DSCAML1: variants seen among roughly 807,000 people sequenced by gnomAD.
DSCAML1 encodes the protein cell adhesion molecule DSCAML1.
Under a neutral mutation model 200.5 loss-of-function variants are expected in DSCAML1, and 38 were observed. That is an observed-to-expected ratio of 0.19 (90% CI 0.15 to 0.25). DSCAML1 has a LOEUF of 0.25. Ranked by LOEUF, DSCAML1 falls within the 10% of genes least tolerant of loss-of-function variation. DSCAML1 has a pLI of 1.00. For synonymous variants in DSCAML1, 1,215 were observed against 1,165.0 expected, an observed-to-expected ratio of 1.04 and a Z score of -0.87; for missense variants, 2,223 against 2,858.8, an observed-to-expected ratio of 0.78 and a Z score of 5.07.
rs61491272 is a variant in DSCAML1, at chr11:117,746,008, A to C, written c.511+30783T>G. ...GGCAGGTGGATCATGAGGTCAGGAG[A>C]TCGAGAACACCCTGGATAACAAAGT... is the stretch of plus-strand genomic sequence containing the variant. On this transcript the variant is annotated intron_variant, in intron 3 of 32. Transcript: ENST00000651296. Among the ~76,000 whole-genome samples, 415 of 151,816 alleles carry C rather than the reference A, an allele frequency of 2.7e-3. 3 individuals carry two copies. Among genetic ancestry groups the C allele is most frequent in the African/African-American group, 9.3e-3 (387 of 41,402 alleles).
intron 8 of DSCAML1, among the ~76,000 whole-genome samples, chr11:117,515,632 T>C (rs2049747644): frequency 6.9e-6 from 1 of 143,986 alleles, no homozygotes; most frequent in African/African-American, 2.6e-5. Flanking sequence ...TTTTTTTTTT[T>C]TTTTGAGACA....
At chr11:117,715,988 C>G (rs150297268) in intron 3 of DSCAML1, among the ~76,000 whole-genome samples, 1 of 152,310 alleles carries the variant, frequency 6.6e-6, no homozygotes, top group East Asian at 1.9e-4. Context: ...ATTTACGCTG[C>G]CCAAACAATC....
At chr11:117,524,668 A>C in intron 5 of DSCAML1, 137 bp downstream of exon 5, 1 of 1,103,730 alleles carries the variant, frequency 9.1e-7, no homozygotes, top group African/African-American at 1.6e-5. Flanking sequence ...AGGATACCAG[A>C]CTGCCTTCCC....
At chr11:117,681,032 TCCCTCATTCG>T (rs1490589224) in intron 3 of DSCAML1, among the ~76,000 whole-genome samples, 1 of 152,154 alleles carries the variant, frequency 6.6e-6, no homozygotes, top group African/African-American at 2.4e-5. Flanking sequence ...TCCCTCATCC[TCCCTCATTCG>T]GACCCTGGAT....
intron 1 of DSCAML1, among the ~76,000 whole-genome samples, chr11:117,788,546 C>T (rs372851278): frequency 1.3e-3 from 204 of 152,274 alleles, no homozygotes; most frequent in Non-Finnish European, 2.4e-3. Flanking sequence ...AAGCTGGTCT[C>T]GAACTCCTGA....
In DSCAML1 at chr11:117,498,437, G is replaced by C. The variant is rs1278449035; in HGVS notation, c.2359+5408C>G. Among the ~76,000 whole-genome samples, 1 of 152,170 alleles carries C rather than the reference G, an allele frequency of 6.6e-6. No homozygotes were observed. The highest frequency in any genetic ancestry group is 1.5e-5 in the Non-Finnish European group (1 of 68,036). ...GGAATTCCCTGGGTACCTGGACTGT[G>C]GTCTAGAAAGGGATTTGTGGGCTCT... On this transcript the variant is annotated intron_variant, in intron 11 of 32. Transcript: ENST00000651296. The surrounding 1 kb of genome is among the most constrained non-coding windows in gnomAD (Gnocchi z 4.0).
chr11:117,480,304 C>CACTGGTGGGTGCTTGTGT lies in DSCAML1; in HGVS notation c.2785+121_2785+138dup. The CACTGGTGGGTGCTTGTGT allele has an allele frequency of 7.6e-7, 1 of 1,318,458 alleles. No individual in the cohort carries two copies. Among genetic ancestry groups the CACTGGTGGGTGCTTGTGT allele is most frequent in the Non-Finnish European group, 1.0e-6 (1 of 962,352 alleles). 81.7% of individuals were successfully genotyped at this position (1,318,458 alleles called of 1,614,324 possible). On this transcript the variant is annotated intron_variant, in intron 14 of 32. Transcript: ENST00000651296. The surrounding 1 kb of genome is among the most constrained non-coding windows in gnomAD (Gnocchi z 4.1). ...CCTTCAGAAGCCACAGCTGCTTGTG[C>CACTGGTGGGTGCTTGTGT]ACTGGTGGGTGCTTGTGTGTCTAGC... is the stretch of plus-strand genomic sequence containing the variant.
In DSCAML1 at chr11:117,540,339, C is replaced by T. The variant is rs111777849; in HGVS notation, c.512-7817G>A. Among the ~76,000 whole-genome samples the T allele has an allele frequency of 2.9e-3, 440 of 152,150 alleles. 6 individuals carry two copies. Among genetic ancestry groups the T allele is most frequent in the African/African-American group, 1.0e-2 (413 of 41,492 alleles). On this transcript the variant is annotated intron_variant, in intron 3 of 32. Coordinates refer to ENST00000651296, the MANE Select transcript of DSCAML1 (RefSeq NM_020693.4). ...GTGCCTGCGAGGGATCTAGGTTGCACGCTCCTTATGAGAATCTAATGCCTC... is the reference window on the plus strand; with the variant it reads ...GTGCCTGCGAGGGATCTAGGTTGCATGCTCCTTATGAGAATCTAATGCCTC...
chr11:117,785,537 C>A (rs144845990), intron 1 of DSCAML1, among the ~76,000 whole-genome samples: 1 of 151,416 alleles, frequency 6.6e-6, no homozygotes, highest in East Asian at 1.9e-4. Context: ...TGGGCCTCAG[C>A]GGTGGAAGAC....
intron 16 of DSCAML1, among the ~76,000 whole-genome samples, chr11:117,467,243 G>C (rs1444126491): frequency 2.3e-5 from 3 of 130,326 alleles, no homozygotes; most frequent in Non-Finnish European, 4.6e-5. Context: ...CCAGAACCAG[G>C]AACACGTATC....
chr11:117,726,241 G>A (rs1231991353), intron 3 of DSCAML1, among the ~76,000 whole-genome samples: 2 of 150,588 alleles, frequency 1.3e-5, no homozygotes, highest in African/African-American at 5.0e-5. Flanking sequence ...ATGAGGTTGT[G>A]TGTGTATCTC....
intron 3 of DSCAML1, among the ~76,000 whole-genome samples, chr11:117,626,208 C>G (rs558542774): frequency 8.1e-4 from 108 of 134,024 alleles, no homozygotes; most frequent in Non-Finnish European, 1.1e-3. Context: ...GACCCCCCCC[C>G]CTCCTTCTTC....
In DSCAML1 at chr11:117,443,978, C is replaced by T. The variant is rs201148769; in HGVS notation, c.3770G>A (p.Arg1257His). ...QLFYRIAHLNRGQQYLLWVAA... is the reference protein window; with the variant it reads ...QLFYRIAHLNHGQQYLLWVAA... ...CACCCACAGCAGATACTGCTGACCG[C>T]GGTTTAGGTGGGCGATCCGGTAGAA... Residue 1257 changes from arginine (R) to histidine (H), a missense_variant, in exon 21 of 33, where the codon CGC (arginine) becomes CAC (histidine). Arg to His is a conservative substitution (Grantham distance 29). Transcript: ENST00000651296. 3.1e-6 allele frequency: 5 copies of T among 1,613,786 alleles called. No individual in the cohort carries two copies. Among genetic ancestry groups the T allele is most frequent in the Non-Finnish European group, 4.2e-6 (5 of 1,179,978 alleles).
At chr11:117,495,649 C>G (rs1365511197) in intron 11 of DSCAML1, among the ~76,000 whole-genome samples, 1 of 151,902 alleles carries the variant, frequency 6.6e-6, no homozygotes, top group Non-Finnish European at 1.5e-5. Flanking sequence ...AGCCAGCATC[C>G]GGCTGCTCAG....
intron 3 of DSCAML1, among the ~76,000 whole-genome samples, chr11:117,617,680 G>GCACGCACACACACA (rs1555190792): frequency 2.1e-5 from 3 of 142,910 alleles, no homozygotes; most frequent in African/African-American, 2.6e-5. Context: ...ACAGGTACAC[G>GCACGCACACACACA]CACACACACA....
chr11:117,499,610 C>T (rs1012788156), intron 11 of DSCAML1, among the ~76,000 whole-genome samples: 2 of 152,208 alleles, frequency 1.3e-5, no homozygotes, highest in Non-Finnish European at 1.5e-5. Flanking sequence ...CTCTGACGTT[C>T]TGAGAGGGAG....
intron 3 of DSCAML1, among the ~76,000 whole-genome samples, chr11:117,712,287 C>A (rs1226707458): frequency 6.6e-6 from 1 of 152,114 alleles, no homozygotes; most frequent in Admixed American, 6.5e-5. Flanking sequence ...CCTGGAGGTC[C>A]TAAATGGGTC....
intron 3 of DSCAML1, among the ~76,000 whole-genome samples, chr11:117,572,182 C>T (rs895744036): frequency 2.6e-5 from 4 of 152,228 alleles, no homozygotes; most frequent in Admixed American, 6.5e-5. Flanking sequence ...CTTTCTTGCA[C>T]GAGATCCAAG....
intron 11 of DSCAML1, among the ~76,000 whole-genome samples, chr11:117,483,359 A>G (rs764807183): frequency 2.0e-5 from 3 of 152,218 alleles, no homozygotes; most frequent in Non-Finnish European, 4.4e-5. Context: ...TGAGTGTTTC[A>G]TCAAAGGGTT....
Sources: gnomAD v4.1 joint callset for allele counts (sites outside exome capture counted in the v4.1 genomes callset) on GRCh38, gnomAD v4.1.1 for gene constraint, Gnocchi (gnomAD v3.1) non-coding constraint, MANE v1.5 for transcripts, NCBI Gene and HGNC (gene_info 2026-07-23, HGNC 2026-07-21) for gene names.